The following DTNB variants were observed in gnomAD, a reference collection of about 807,000 sequenced individuals.
The protein encoded by DTNB is dystrobrevin beta.
Under a neutral mutation model 90.7 loss-of-function variants are expected in DTNB, and 63 were observed. That is an observed-to-expected ratio of 0.69 (90% CI 0.57 to 0.86). The LOEUF (loss-of-function observed/expected upper bound fraction) is 0.86. Among genes scored for constraint, DTNB ranks in the 40% least tolerant of loss-of-function variants. DTNB has a pLI of 0.00. For missense variants in DTNB, 744 were observed against 807.1 expected, an observed-to-expected ratio of 0.92 and a Z score of 0.95; for synonymous variants, 277 against 286.7, an observed-to-expected ratio of 0.97 and a Z score of 0.34.
intron 16 of DTNB, among the ~76,000 whole-genome samples, chr2:25,415,829 G>A (rs1470178102): frequency 2.6e-5 from 4 of 152,128 alleles, no homozygotes; most frequent in Non-Finnish European, 5.9e-5. Flanking sequence ...GGACCCTTCT[G>A]GAACTTGCCC....
intron 1 of DTNB, among the ~76,000 whole-genome samples, chr2:25,668,374 T>A (rs76864717): frequency 1.4e-3 from 209 of 152,350 alleles, no homozygotes; most frequent in Admixed American, 3.1e-3. Context: ...TCTATGACAT[T>A]TCCAACTCTG....
Position 25,576,959 on chromosome 2 carries a change from A to C in DTNB, c.755T>G (p.Met252Arg), listed in dbSNP as rs1483100837. 6.2e-7 allele frequency: 1 copy of C among 1,612,050 alleles called. No individual in the cohort carries two copies. ...CTGCTGGCATCGGTACCGGAAACCC[A>C]TCATACTCTCACATCGGCAGTAGGA... ...ECSYCRCESM[M>R]GFRYRCQQCH... The change falls in exon 8 of 21, where the codon ATG becomes AGG. Residue 252 changes from methionine (M) to arginine (R), a missense_variant. Met to Arg is a moderately conservative substitution (Grantham distance 91). Coordinates refer to ENST00000406818, the MANE Select transcript of DTNB (RefSeq NM_021907.5).
chr2:25,435,980 G>C (rs2055619020), intron 12 of DTNB, among the ~76,000 whole-genome samples: 1 of 152,174 alleles, frequency 6.6e-6, no homozygotes, highest in African/African-American at 2.4e-5. Flanking sequence ...ATGTTTTGTG[G>C]AGAAATTATG....
chr2:25,559,787 CA>C (rs1313017266), intron 8 of DTNB, among the ~76,000 whole-genome samples: 6 of 152,248 alleles, frequency 3.9e-5, no homozygotes, highest in African/African-American at 9.6e-5. Flanking sequence ...AAAATGCAAT[CA>C]AATGTATTTT....
Position 25,560,230 on chromosome 2 carries a change from G to A in DTNB, c.876+16608C>T, listed in dbSNP as rs887663441. ...TGCACTCCAGCCTGGGTGACAAAGT[G>A]AGACTCCGTCTCAAAGAAATAATAA... On this transcript the variant is annotated intron_variant, in intron 8 of 20. Coordinates refer to ENST00000406818, the MANE Select transcript of DTNB (RefSeq NM_021907.5). Among the ~76,000 whole-genome samples the A allele has an allele frequency of 3.3e-5, 5 of 152,350 alleles. No homozygotes were observed. The East Asian group carries it at 9.6e-4, about 29-fold the overall frequency.
intron 10 of DTNB, among the ~76,000 whole-genome samples, chr2:25,473,866 T>C (rs1020781435): frequency 6.6e-5 from 10 of 152,314 alleles, no homozygotes; most frequent in African/African-American, 2.4e-4. Context: ...AGCATCTCAA[T>C]CTGAACACGA....
chr2:25,467,423 A>C (rs1193501593), intron 10 of DTNB, among the ~76,000 whole-genome samples: 1 of 151,138 alleles, frequency 6.6e-6, no homozygotes, highest in Non-Finnish European at 1.5e-5. Flanking sequence ...CTCAGTCTCT[A>C]GAGTAGCTGG....
At chr2:25,518,804 A>G (rs1394770250) in intron 9 of DTNB, among the ~76,000 whole-genome samples, 1 of 152,186 alleles carries the variant, frequency 6.6e-6, no homozygotes, top group African/African-American at 2.4e-5. Flanking sequence ...AACAGGTAAC[A>G]TTCATACCAG....
chr2:25,449,438 C>T (rs1353056158), intron 12 of DTNB, among the ~76,000 whole-genome samples: 1 of 152,138 alleles, frequency 6.6e-6, no homozygotes, highest in African/African-American at 2.4e-5. Flanking sequence ...TTTATAGGCC[C>T]GCCAACAACA....
At chr2:25,413,416 TC>T (rs2047091802) in intron 16 of DTNB, among the ~76,000 whole-genome samples, 1 of 53,738 alleles carries the variant, frequency 1.9e-5, no homozygotes, top group Non-Finnish European at 3.7e-5. Flanking sequence ...CCCTCCCCCC[TC>T]CCCCCACCCC....
chr2:25,416,817 G>GAAGA (rs1553349462), intron 16 of DTNB, among the ~76,000 whole-genome samples: 1 of 149,932 alleles, frequency 6.7e-6, no homozygotes, highest in Non-Finnish European at 1.5e-5. Context: ...AGGAAGGAAG[G>GAAGA]AAGGAAGGAA....
intron 1 of DTNB, among the ~76,000 whole-genome samples, chr2:25,668,994 T>TTATA (rs1329062890): frequency 6.6e-6 from 1 of 152,204 alleles, no homozygotes; most frequent in Admixed American, 6.5e-5. Flanking sequence ...TTTAAGGACA[T>TTATA]TATACTAAGT....
Position 25,634,834 on chromosome 2 carries a change from T to C in DTNB, c.148+4180A>G, listed in dbSNP as rs2076782197. On this transcript the variant is annotated intron_variant, in intron 3 of 20. Coordinates refer to ENST00000406818, the MANE Select transcript of DTNB (RefSeq NM_021907.5). ...GATTAAGGGCGGTGCAAGATGTGCTTTGTTAAACAGATGCTTGAAGGCAGC... is the reference window on the plus strand; with the variant it reads ...GATTAAGGGCGGTGCAAGATGTGCTCTGTTAAACAGATGCTTGAAGGCAGC... Among the ~76,000 whole-genome samples, 2 of 111,394 alleles carry C rather than the reference T, an allele frequency of 1.8e-5. 1 individual carries two copies. The highest frequency in any genetic ancestry group is 5.6e-5 in the African/African-American group (2 of 35,872). 73.1% of individuals were successfully genotyped at this position (111,394 alleles called of 152,430 possible).
At chr2:25,446,982 T>C (rs1257625573) in intron 12 of DTNB, among the ~76,000 whole-genome samples, 4 of 152,254 alleles carry the variant, frequency 2.6e-5, no homozygotes, top group Non-Finnish European at 5.9e-5. Flanking sequence ...TAATTCTCTA[T>C]TCATGTGTCT....
intron 8 of DTNB, among the ~76,000 whole-genome samples, chr2:25,546,293 G>C (rs557126143): frequency 1.3e-5 from 2 of 152,272 alleles, no homozygotes; most frequent in South Asian, 2.1e-4. Context: ...TGTGCCAAAG[G>C]CTTCATTTTG....
chr2:25,454,801 G>A (rs1305652049), intron 11 of DTNB, among the ~76,000 whole-genome samples: 2 of 152,234 alleles, frequency 1.3e-5, no homozygotes, highest in Non-Finnish European at 2.9e-5. Context: ...TAAGGGGAAT[G>A]TGGAGCTATT....
At chr2:25,472,809 A>G (rs1384486276) in intron 10 of DTNB, among the ~76,000 whole-genome samples, 1 of 152,206 alleles carries the variant, frequency 6.6e-6, no homozygotes, top group Non-Finnish European at 1.5e-5. Context: ...GCTTGAACCC[A>G]GGAAGCAGAG....
chr2:25,460,543 G>C (rs2060768875), intron 10 of DTNB, among the ~76,000 whole-genome samples: 1 of 152,096 alleles, frequency 6.6e-6, no homozygotes, highest in African/African-American at 2.4e-5. Context: ...AACTTGCAAA[G>C]GAGGCCAAGA....
At position 25,470,116 on chromosome 2, in the gene DTNB, A is replaced by G. The variant is rs562109682; in HGVS notation, c.1079+12680T>C. Among the ~76,000 whole-genome samples the G allele has an allele frequency of 5.9e-5, 9 of 152,328 alleles. No individual in the cohort carries two copies. In the South Asian group the frequency reaches 1.9e-3, roughly 32 times the overall value. ...TAAATGCACAAGGCCAGCTGATTCT[A>G]ACAGTAAATTGTAAGACAATTCTCT... is the stretch of plus-strand genomic sequence containing the variant. On this transcript the variant is annotated intron_variant, in intron 10 of 20. Transcript: ENST00000406818.
Sources: gnomAD v4.1 joint callset for allele counts (sites outside exome capture counted in the v4.1 genomes callset) on GRCh38, gnomAD v4.1.1 for gene constraint, MANE v1.5 for transcripts, NCBI Gene and HGNC (gene_info 2026-07-23, HGNC 2026-07-21) for gene names.